The following NCOA7 variants were observed in gnomAD, a reference collection of about 807,000 sequenced individuals.
NCOA7 encodes the protein nuclear receptor coactivator 7.
Under a neutral mutation model 104.3 loss-of-function variants are expected in NCOA7, and 45 were observed. The ratio of observed to expected loss-of-function variants is 0.43; its 90% CI spans 0.34 to 0.55. NCOA7 has a LOEUF of 0.55. Among genes scored for constraint, NCOA7 ranks in the 20% least tolerant of loss-of-function variants. NCOA7 has a pLI of 0.02. For synonymous variants in NCOA7, 398 were observed against 402.3 expected (o/e 0.99, Z 0.13); for missense variants, 1,041 against 1,119.7 (o/e 0.93, Z 1.00).
At chr6:125,856,528 A>G (rs1781571874) in intron 3 of NCOA7, among the ~76,000 whole-genome samples, 1 of 151,968 alleles carries the variant, frequency 6.6e-6, no homozygotes, top group Admixed American at 6.6e-5. Flanking sequence ...AATTTTTTGT[A>G]TATTTAGTAG....
chr6:125,923,536 T>C (rs1322755), intron 13 of NCOA7, among the ~76,000 whole-genome samples: 102,952 of 152,082 alleles, frequency 0.68, 34,981 homozygotes, highest in East Asian at 0.77. Flanking sequence ...TCTTGCATCA[T>C]GAAAGGAAGA....
At chr6:125,857,317 A>C (rs1583392410) in intron 3 of NCOA7, among the ~76,000 whole-genome samples, 1 of 152,248 alleles carries the variant, frequency 6.6e-6, no homozygotes. Flanking sequence ...AGCTCACTGC[A>C]ACCTCCGACT....
chr6:125,909,989 A>G (rs1786379994), intron 10 of NCOA7, among the ~76,000 whole-genome samples: 1 of 152,116 alleles, frequency 6.6e-6, no homozygotes, highest in Non-Finnish European at 1.5e-5. Context: ...CTAATGCTAT[A>G]ATTGGGAAGG....
chr6:125,882,627 G>A, intron 7 of NCOA7, 76 bp downstream of exon 7: 1 of 1,531,058 alleles, frequency 6.5e-7, no homozygotes, highest in Non-Finnish European at 8.9e-7. Flanking sequence ...TACTGGAACA[G>A]AGGCTACATT....
rs547153665 is a variant in NCOA7, at chr6:125,886,454, TAATA to T, written c.884+1112_884+1115del. Among the ~76,000 whole-genome samples, 9 of 152,352 alleles carry T rather than the reference TAATA, an allele frequency of 5.9e-5. No homozygotes were observed. The South Asian group carries it at 1.9e-3, about 32-fold the overall frequency. The stretch of plus-strand genomic sequence containing the variant: ...CTAGGATATTAAGTATTCTATTTAA[TAATA>T]GACAGTACATCTTTATATAAAAACT... On this transcript the variant is annotated intron_variant, in intron 8 of 15. Coordinates refer to ENST00000392477, the MANE Select transcript of NCOA7 (RefSeq NM_181782.5).
chr6:125,912,073 CAG>C (rs940053461), intron 10 of NCOA7, among the ~76,000 whole-genome samples: 13 of 152,328 alleles, frequency 8.5e-5, no homozygotes, highest in South Asian at 2.1e-4. Context: ...CTCTGATTAA[CAG>C]AAGGCATAGA....
chr6:125,926,315 A>G (rs894870731), intron 13 of NCOA7, among the ~76,000 whole-genome samples: 1 of 151,812 alleles, frequency 6.6e-6, no homozygotes, highest in Non-Finnish European at 1.5e-5. Flanking sequence ...CCATCTCAAA[A>G]AAAAAAAAAG....
intron 2 of NCOA7, among the ~76,000 whole-genome samples, chr6:125,835,359 CAG>C (rs1443884121): frequency 6.6e-6 from 1 of 150,698 alleles, no homozygotes; most frequent in South Asian, 2.1e-4. Context: ...GGTCAAGTAA[CAG>C]AAAACAGATC....
chr6:125,837,491 C>T (rs1248529473), intron 2 of NCOA7, among the ~76,000 whole-genome samples: 2 of 152,204 alleles, frequency 1.3e-5, no homozygotes, highest in Non-Finnish European at 2.9e-5. Flanking sequence ...CTCCATCTCT[C>T]TGACCTTTTA....
In NCOA7 at chr6:125,920,925, C is replaced by G. The variant is rs1787516834; in HGVS notation, c.2245-18C>G. The G allele has an allele frequency of 6.2e-7, 1 of 1,609,384 alleles. No individual in the cohort carries two copies. The highest frequency in any genetic ancestry group is 8.5e-7 in the Non-Finnish European group (1 of 1,176,876). On this transcript the variant is annotated intron_variant, in intron 11 of 15. Transcript: ENST00000392477. Reference sequence around the variant, plus strand: ...AAAGCCAATAAGTTATTTTTCTTGGCTTGTTTTCTCATTTCAGATCATCAC... The same window carrying G: ...AAAGCCAATAAGTTATTTTTCTTGGGTTGTTTTCTCATTTCAGATCATCAC...
At chr6:125,885,712 A>G (rs1784202494) in intron 8 of NCOA7, among the ~76,000 whole-genome samples, 1 of 152,210 alleles carries the variant, frequency 6.6e-6, no homozygotes, top group Admixed American at 6.5e-5. Context: ...TCTGGGTTTA[A>G]TTAAGGAGAG....
chr6:125,898,918 A>G (rs1465887267), intron 10 of NCOA7, among the ~76,000 whole-genome samples: 1 of 152,178 alleles, frequency 6.6e-6, no homozygotes, highest in East Asian at 1.9e-4. Flanking sequence ...TTGAAATCTC[A>G]TAGTTTTGTT....
intron 2 of NCOA7, among the ~76,000 whole-genome samples, chr6:125,842,679 G>A (rs1381660428): frequency 2.0e-5 from 3 of 152,104 alleles, no homozygotes; most frequent in Non-Finnish European, 4.4e-5. Flanking sequence ...GCAGATCTAA[G>A]TAATTAGATA....
intron 5 of NCOA7, among the ~76,000 whole-genome samples, chr6:125,880,773 C>G (rs1662767162): frequency 6.6e-6 from 1 of 152,138 alleles, no homozygotes; most frequent in Non-Finnish European, 1.5e-5. Flanking sequence ...CTCAGGTGAT[C>G]TGCCCACCTT....
At chr6:125,844,153 A>C (rs902952968) in intron 2 of NCOA7, among the ~76,000 whole-genome samples, 2 of 152,194 alleles carry the variant, frequency 1.3e-5, no homozygotes, top group African/African-American at 4.8e-5. Context: ...CCTGATTGGC[A>C]TTCTGTTTAT....
rs143919292 is a variant in NCOA7 at position 125,855,033 on chromosome 6, A to G, written c.64A>G (p.Lys22Glu). 2 of 1,603,996 alleles carry G rather than the reference A, an allele frequency of 1.2e-6. No individual in the cohort carries two copies. Among genetic ancestry groups the G allele is most frequent in the African/African-American group, 2.7e-5 (2 of 74,250 alleles). The change falls in exon 3 of 16, where the codon AAA becomes GAA. Residue 22 changes from lysine to glutamate, a missense_variant. Around this residue, in one of 2 missense-constraint regions of NCOA7, gnomAD observed 914 missense variants for 942.7 expected, o/e 0.97. Coordinates refer to ENST00000392477, the MANE Select transcript of NCOA7 (RefSeq NM_181782.5). Reference sequence around the variant, plus strand: ...CCTCTTTCCTAGACTGAAAAAGAAAAAACAAGCCAAACAAAATGCAGAGAC... The same window carrying G: ...CCTCTTTCCTAGACTGAAAAAGAAAGAACAAGCCAAACAAAATGCAGAGAC... The part of the protein sequence containing the change: ...QSYFARLKKK[K>E]QAKQNAETAS...
chr6:125,894,374 G>T (rs1360722768), intron 10 of NCOA7, among the ~76,000 whole-genome samples: 2 of 152,144 alleles, frequency 1.3e-5, no homozygotes, highest in East Asian at 3.9e-4. Flanking sequence ...GGGGTTGAAA[G>T]CCACAATAGC....
At chr6:125,888,878 C>T in intron 8 of NCOA7, 61 bp from the exon 9 acceptor site, 2 of 1,307,202 alleles carry the variant, frequency 1.5e-6, no homozygotes, top group Non-Finnish European at 2.1e-6. Flanking sequence ...GCCTTTCCTC[C>T]ATTTTGTTTT....
At chr6:125,867,073 A>G (rs1782499050) in intron 3 of NCOA7, among the ~76,000 whole-genome samples, 1 of 152,170 alleles carries the variant, frequency 6.6e-6, no homozygotes, top group African/African-American at 2.4e-5. Flanking sequence ...AATTTTATTT[A>G]TGTATATCTT....
Sources: gnomAD v4.1 joint callset for allele counts (sites outside exome capture counted in the v4.1 genomes callset) on GRCh38, gnomAD v4.1.1 for gene constraint, gnomAD v4.1.1 regional missense constraint, MANE v1.5 for transcripts, NCBI Gene and HGNC (gene_info 2026-07-23, HGNC 2026-07-21) for gene names.